Variants in AMPH observed in about 807,000 individuals in gnomAD.
AMPH encodes amphiphysin.
AMPH carries 49 observed loss-of-function variants against 99.1 expected under a neutral mutation model. The ratio of observed to expected loss-of-function variants is 0.49; its 90% confidence interval spans 0.39 to 0.63. The LOEUF (loss-of-function observed/expected upper bound fraction) is 0.63, where lower values mean the gene tolerates loss of function less well. Ranked by LOEUF, AMPH falls within the 20% of genes least tolerant of loss-of-function variation. The pLI, the probability that AMPH is intolerant of heterozygous loss-of-function variation, is 0.00. For synonymous variants in AMPH, 314 were observed against 317.3 expected, an observed-to-expected ratio of 0.99 and a Z score of 0.11; for missense variants, 759 against 863.4, an observed-to-expected ratio of 0.88 and a Z score of 1.52.
intron 2 of AMPH, among the ~76,000 whole-genome samples, chr7:38,508,500 T>A (rs17171389): frequency 0.13 from 19,595 of 151,958 alleles, 1,716 homozygotes; most frequent in East Asian, 0.26. Context: ...TATGGAAAAA[T>A]TTTTCATTAA....
chr7:38,397,480 C>A (rs1291955884), intron 17 of AMPH, among the ~76,000 whole-genome samples: 3 of 152,166 alleles, frequency 2.0e-5, no homozygotes, highest in African/African-American at 7.2e-5. Context: ...CGAAACTGGA[C>A]TCCTATCTTT....
At chr7:38,526,225 C>T (rs1278593847) in intron 2 of AMPH, among the ~76,000 whole-genome samples, 1 of 151,584 alleles carries the variant, frequency 6.6e-6, no homozygotes, top group Non-Finnish European at 1.5e-5. Context: ...TTCTTCTTTG[C>T]CATCCACATA....
In AMPH at chr7:38,610,415, GA is replaced by G. The variant is rs1793641721; in HGVS notation, c.69+20867del. Among the ~76,000 whole-genome samples the G allele has an allele frequency of 1.4e-5, 2 of 147,878 alleles. 1 individual carries two copies. ...AAAGAAAAGAAAAGAAAAGAAAAAA[GA>G]AACTCAGTGAGTTACAGAAAACACA... On this transcript the variant is annotated intron_variant, in intron 1 of 20. Transcript: ENST00000356264.
chr7:38,438,098 A>G (rs1183631566), intron 11 of AMPH, among the ~76,000 whole-genome samples: 1 of 152,248 alleles, frequency 6.6e-6, no homozygotes, highest in Non-Finnish European at 1.5e-5. Context: ...TTATGTAGGT[A>G]AAAATTATAT....
intron 6 of AMPH, 104 bp downstream of exon 6, chr7:38,476,758 G>GA: frequency 2.7e-6 from 2 of 741,934 alleles, no homozygotes; most frequent in Middle Eastern, 2.8e-4. Context: ...ATTCTGTTCA[G>GA]ATTCCAATCT....
At chr7:38,433,199 C>T (rs941490905) in intron 12 of AMPH, among the ~76,000 whole-genome samples, 1 of 152,088 alleles carries the variant, frequency 6.6e-6, no homozygotes, top group South Asian at 2.1e-4. Flanking sequence ...GAAAGCAGGC[C>T]CTGTGGTTCT....
chr7:38,612,964 A>G (rs1435969196), intron 1 of AMPH, among the ~76,000 whole-genome samples: 2 of 152,210 alleles, frequency 1.3e-5, no homozygotes, highest in Non-Finnish European at 2.9e-5. Context: ...CAAAGAAAAT[A>G]AAAATAGCTA....
chr7:38,446,758 G>A (rs1179080286), intron 11 of AMPH, among the ~76,000 whole-genome samples: 2 of 152,062 alleles, frequency 1.3e-5, no homozygotes, highest in Non-Finnish European at 2.9e-5. Context: ...ATGTGCATAT[G>A]TAAACATGTA....
intron 5 of AMPH, among the ~76,000 whole-genome samples, chr7:38,482,028 A>T (rs1788301636): frequency 6.6e-6 from 1 of 152,120 alleles, no homozygotes; most frequent in Admixed American, 6.6e-5. Context: ...TCACAGAAAA[A>T]CTTCTTTCAA....
intron 16 of AMPH, among the ~76,000 whole-genome samples, chr7:38,421,986 A>G (rs751397843): frequency 6.6e-6 from 1 of 152,168 alleles, no homozygotes; most frequent in Non-Finnish European, 1.5e-5. Flanking sequence ...TCACAACTCT[A>G]CTATGCATTA....
intron 1 of AMPH, among the ~76,000 whole-genome samples, chr7:38,608,812 T>C (rs994801009): frequency 6.6e-6 from 1 of 152,196 alleles, no homozygotes; most frequent in Non-Finnish European, 1.5e-5. Context: ...GCAATGACCA[T>C]GTTCTTCAAC....
intron 2 of AMPH, among the ~76,000 whole-genome samples, chr7:38,534,503 T>C (rs369836759): frequency 1.9e-4 from 29 of 152,014 alleles, no homozygotes; most frequent in African/African-American, 6.0e-4. Context: ...CAAAACCCCA[T>C]CTCTACTAAA....
chr7:38,537,195 A>G (rs1790641852), intron 1 of AMPH, among the ~76,000 whole-genome samples: 1 of 152,222 alleles, frequency 6.6e-6, no homozygotes, highest in African/African-American at 2.4e-5. Context: ...AAATATTGAT[A>G]AGCAAATTAA....
At chr7:38,541,029 A>G (rs1411965236) in intron 1 of AMPH, among the ~76,000 whole-genome samples, 1 of 144,526 alleles carries the variant, frequency 6.9e-6, no homozygotes, top group Non-Finnish European at 1.6e-5. Flanking sequence ...AAAAAAAAAA[A>G]AAAAAAAAAA....
intron 2 of AMPH, among the ~76,000 whole-genome samples, chr7:38,532,302 G>A (rs1415719748): frequency 6.6e-6 from 1 of 152,066 alleles, no homozygotes; most frequent in Admixed American, 6.6e-5. Context: ...AGATCAAAAT[G>A]AGGATAGGAA....
At chr7:38,611,658 A>G (rs1315484384) in intron 1 of AMPH, among the ~76,000 whole-genome samples, 17 of 152,240 alleles carry the variant, frequency 1.1e-4, no homozygotes, top group Admixed American at 1.1e-3. Flanking sequence ...CCCTGGCTGG[A>G]ACAATAATTC....
At chr7:38,631,236 C>T (rs1444096596) in intron 1 of AMPH, 47 bp downstream of exon 1, 18 of 1,492,014 alleles carry the variant, frequency 1.2e-5, no homozygotes, top group Non-Finnish European at 1.5e-5. Flanking sequence ...TCCGGCCAAG[C>T]CCCCGCCTGG....
chr7:38,452,276 A>G (rs2299947), intron 11 of AMPH, among the ~76,000 whole-genome samples: 1 of 152,106 alleles, frequency 6.6e-6, no homozygotes, highest in Non-Finnish European at 1.5e-5. Flanking sequence ...ATTTAAAAAA[A>G]TTAAAATAAA....
At chr7:38,620,100 G>A (rs1256756607) in intron 1 of AMPH, among the ~76,000 whole-genome samples, 1 of 151,910 alleles carries the variant, frequency 6.6e-6, no homozygotes, top group Non-Finnish European at 1.5e-5. Flanking sequence ...TGTCTGCTAT[G>A]AAAGATTCTC....
Sources: allele counts gnomAD v4.1 joint callset (sites outside exome capture counted in the v4.1 genomes callset), GRCh38; gene constraint gnomAD v4.1.1; transcripts MANE v1.5; gene names NCBI Gene and HGNC (gene_info 2026-07-23, HGNC 2026-07-21).